MSL3: variants seen among roughly 807,000 people sequenced by gnomAD.
MSL3 encodes the protein MSL complex subunit 3.
A neutral mutation model predicts 37.2 loss-of-function variants in MSL3; 5 were observed. That is an observed-to-expected ratio of 0.13 (90% CI 0.07 to 0.28). MSL3 has a LOEUF of 0.28. Among genes scored for constraint, MSL3 ranks in the 10% least tolerant of loss-of-function variants. The pLI is 1.00. For synonymous variants in MSL3, 149 were observed against 147.6 expected (o/e 1.01, Z -0.07); for missense variants, 315 against 408.5 (o/e 0.77, Z 1.97).
chrX:11,767,843 A>G (rs903484040), intron 9 of MSL3: 1 of 743,637 alleles, frequency 1.3e-6, no homozygotes, highest in Non-Finnish European at 1.6e-6. Flanking sequence ...GGCATTTCAT[A>G]TAAATGGAAT....
In MSL3 at chrX:11,765,579, G is replaced by A; in HGVS notation, c.1021G>A (p.Glu341Lys). Residue 341 changes from glutamate (E) to lysine (K), a missense_variant, in exon 9 of 13, where the codon GAG becomes AAG. By Grantham distance (56) the Glu-to-Lys change is moderately conservative (BLOSUM62 1). Coordinates refer to ENST00000312196, the MANE Select transcript of MSL3 (RefSeq NM_078629.4). ...AGCCACCCCCAAAAGGCGCAAAGCTGAGCCAGAAGCATTGCAGTCTCTGAG... is the reference window on the plus strand; with the variant it reads ...AGCCACCCCCAAAAGGCGCAAAGCTAAGCCAGAAGCATTGCAGTCTCTGAG... Reference protein sequence around the residue: ...EPATPKRRKAEPEALQSLRRS... With the variant: ...EPATPKRRKAKPEALQSLRRS... 1 of 1,211,197 alleles carries A rather than the reference G, an allele frequency of 8.3e-7. No individual in the cohort carries two copies. The highest frequency in any genetic ancestry group is 1.1e-6 in the Non-Finnish European group (1 of 895,271).
rs928632269 is a variant in MSL3, at chrX:11,768,581, G to A, written c.1180G>A (p.Val394Met). 2.5e-6 allele frequency: 3 copies of A among 1,189,681 alleles called. No homozygotes were observed. The highest frequency in any genetic ancestry group is 2.3e-4 in the Middle Eastern group (1 of 4,298). ...LFLHLEKKTP[V>M]HSRSSSPIPL... ...ATCTTTTTCTTTGGAAGAGACACCT[G>A]TGCATAGCAGATCATCTTCACCTAT... Residue 394 changes from valine (V) to methionine (M), a missense_variant, in exon 10 of 13, where the codon GTG becomes ATG. Coordinates refer to ENST00000312196, the MANE Select transcript of MSL3 (RefSeq NM_078629.4).
chrX:11,770,450 A>G (rs1451412189), intron 10 of MSL3, among the ~76,000 whole-genome samples: 2 of 112,251 alleles, frequency 1.8e-5, no homozygotes, highest in South Asian at 3.7e-4. Context: ...CGAATGCGCC[A>G]TCTAGTGGTT....
Position 11,766,291 on chromosome X carries a change from CT to C in MSL3, c.1171+569del. The stretch of plus-strand genomic sequence containing the variant: ...AATAAATTAGACAAAAGTTTACTTT[CT>C]TTTTTTCCAAAATACACACAGGTTG... On this transcript the variant is annotated intron_variant, in intron 9 of 12. Transcript: ENST00000312196. 4 of 755,188 alleles carry C rather than the reference CT, an allele frequency of 5.3e-6. No individual in the cohort carries two copies. The South Asian group carries it at 2.0e-4, about 38-fold the overall frequency. 62.2% of individuals were successfully genotyped at this position (755,188 alleles called of 1,213,427 possible).
At chrX:11,768,187 G>T (rs924236732) in intron 9 of MSL3, 2 of 126,748 alleles carry the variant, frequency 1.6e-5, no homozygotes, top group Non-Finnish European at 3.1e-5. Flanking sequence ...ACCCCCCCAC[G>T]AGAAACCCCA....
intron 7 of MSL3, 129 bp downstream of exon 7, chrX:11,763,126 A>G: frequency 3.7e-6 from 2 of 543,801 alleles, no homozygotes; most frequent in Non-Finnish European, 5.4e-6. Flanking sequence ...ATTTATTGAT[A>G]ATTCATTGAA....
In MSL3 at chrX:11,760,437, C is replaced by T; in HGVS notation, c.220C>T (p.Arg74Cys). 8.3e-7 allele frequency: 1 copy of T among 1,203,256 alleles called. No individual in the cohort carries two copies. Among genetic ancestry groups the T allele is most frequent in the Non-Finnish European group, 1.1e-6 (1 of 891,924 alleles). ...ATGGGCAGCAGAAGATCATGTGCTTCGTGATACCGATGAAAATCGTAGATT... is the reference window on the plus strand; with the variant it reads ...ATGGGCAGCAGAAGATCATGTGCTTTGTGATACCGATGAAAATCGTAGATT... ...DRWAAEDHVL[R>C]DTDENRRLQR... The change falls in exon 3 of 13, where the codon CGT becomes TGT. Residue 74 changes from arginine to cysteine, a missense_variant. Arg to Cys is a radical substitution (Grantham distance 180). Coordinates refer to ENST00000312196, the MANE Select transcript of MSL3 (RefSeq NM_078629.4).
At chrX:11,763,047 G>C (rs2053147346) in intron 7 of MSL3, 50 bp downstream of exon 7, 1 of 1,044,907 alleles carries the variant, frequency 9.6e-7, no homozygotes, top group South Asian at 2.6e-5. Context: ...TATTAGAGAG[G>C]TGGCTTCCAT....
At chrX:11,769,190 G>A (rs2053211278) in intron 10 of MSL3, 1 of 113,677 alleles carries the variant, frequency 8.8e-6, no homozygotes, top group South Asian at 3.6e-4. Context: ...TAGCTTGTGG[G>A]CAATATAGAA....
chrX:11,766,633 C>T (rs1385186645), intron 9 of MSL3: 14 of 753,251 alleles, frequency 1.9e-5, no homozygotes, highest in South Asian at 1.4e-4. Context: ...GCAGCAGGGC[C>T]GACGATGTCA....
intron 12 of MSL3, among the ~76,000 whole-genome samples, chrX:11,773,509 T>C (rs767268569): frequency 5.3e-5 from 6 of 112,298 alleles, no homozygotes; most frequent in African/African-American, 1.9e-4. Flanking sequence ...AAGAGATCCT[T>C]TCATGTAGGC....
chrX:11,766,877 G>A (rs1204283688), intron 9 of MSL3: 5 of 753,095 alleles, frequency 6.6e-6, no homozygotes, highest in African/African-American at 4.6e-5. Flanking sequence ...CAAAGCTAAC[G>A]TCAGGGTAAA....
chrX:11,766,009 A>G, intron 9 of MSL3: 1 of 1,003,639 alleles, frequency 1.0e-6, no homozygotes, highest in Non-Finnish European at 1.3e-6. Flanking sequence ...AGTTATCAGA[A>G]TTCTATGTAT....
chrX:11,764,344 C>T lies in MSL3; in HGVS notation c.908+406C>T, dbSNP rs143215016. 4.6e-3 allele frequency: 535 copies of T among 117,136 alleles called. 3 individuals are homozygous for T. Among genetic ancestry groups the T allele is most frequent in the African/African-American group, 0.016 (493 of 30,719 alleles). 9.7% of individuals were successfully genotyped at this position (117,136 alleles called of 1,213,427 possible). A position where few individuals can be genotyped will look rare whatever the true frequency, so the allele number is the denominator to read the frequency against. On this transcript the variant is annotated intron_variant, in intron 8 of 12. Coordinates refer to ENST00000312196, the MANE Select transcript of MSL3 (RefSeq NM_078629.4). ...CCTTCTTTTGCAGGTGTGGGATGGA[C>T]GGAAGGCAGGCCTAGCTAGTAGTAT...
At chrX:11,774,444 C>T (rs562352550) in intron 12 of MSL3, among the ~76,000 whole-genome samples, 6 of 111,096 alleles carry the variant, frequency 5.4e-5, no homozygotes, top group South Asian at 3.8e-4. Context: ...CTCAGCCTCC[C>T]GAGTAGCTGG....
At position 11,775,432 on chromosome X, in the gene MSL3, A is replaced by AT. The variant is rs954455956; in HGVS notation, c.*362dup. 2.4e-4 allele frequency: 33 copies of AT among 137,514 alleles called. No individual in the cohort carries two copies. The highest frequency in any genetic ancestry group is 1.9e-3 in the South Asian group (6 of 3,092). The allele number at this position is 137,514 out of a possible 1,213,427, so 11.3% of individuals were successfully genotyped here. A position where few individuals can be genotyped will look rare whatever the true frequency, so the allele number is the denominator to read the frequency against. On this transcript the variant is annotated 3_prime_UTR_variant, in exon 13 of 13. Coordinates refer to ENST00000312196, the MANE Select transcript of MSL3 (RefSeq NM_078629.4). ...CTCTTTATTTGTTAGCATTAAACAA[A>AT]TTTTTTTTTGCAAATTGGTTTTATT...
At chrX:11,759,353 G>GT (rs1235874190) in intron 1 of MSL3, among the ~76,000 whole-genome samples, 2 of 111,879 alleles carry the variant, frequency 1.8e-5, no homozygotes, top group Non-Finnish European at 3.8e-5. Flanking sequence ...GGGGCGGAGG[G>GT]GGGGGGGCAC....
chrX:11,772,431 A>T (rs2053240332), intron 11 of MSL3, among the ~76,000 whole-genome samples, 176 bp downstream of exon 11: 1 of 112,410 alleles, frequency 8.9e-6, no homozygotes, highest in African/African-American at 3.2e-5. Context: ...ATTTCATAAA[A>T]ATTATGTTTG....
intron 4 of MSL3, 129 bp from the exon 5 acceptor site, chrX:11,761,371 G>A (rs1378167492): frequency 2.4e-6 from 1 of 410,013 alleles, no homozygotes; most frequent in East Asian, 3.9e-5. Context: ...TTTGTGTTTG[G>A]CATTTAAAAA....
Sources: gnomAD v4.1 joint callset for allele counts (sites outside exome capture counted in the v4.1 genomes callset) on GRCh38, gnomAD v4.1.1 for gene constraint, MANE v1.5 for transcripts, NCBI Gene and HGNC (gene_info 2026-07-23, HGNC 2026-07-21) for gene names.